The following INVS variants were observed in gnomAD, a reference collection of about 807,000 sequenced individuals.
INVS encodes inversin.
Under a neutral mutation model 108.8 loss-of-function variants are expected in INVS, and 86 were observed. The ratio of observed to expected loss-of-function variants is 0.79; its 90% CI spans 0.66 to 0.95. The LOEUF (loss-of-function observed/expected upper bound fraction) is 0.95. Ranked by LOEUF, INVS falls within the 40% of genes least tolerant of loss-of-function variation. The pLI, the probability that INVS is intolerant of heterozygous loss-of-function variation, is 0.00. For synonymous variants in INVS, 455 were observed against 473.5 expected, an observed-to-expected ratio of 0.96 and a Z score of 0.51; for missense variants, 1,169 against 1,297.4, an observed-to-expected ratio of 0.90 and a Z score of 1.52.
At chr9:100,106,308 T>C (rs1306489499) in intron 2 of INVS, among the ~76,000 whole-genome samples, 1 of 152,212 alleles carries the variant, frequency 6.6e-6, no homozygotes, top group African/African-American at 2.4e-5. Flanking sequence ...TCCTGTCTTC[T>C]CAGGGACATT....
rs868091390 is a variant in INVS, at chr9:100,281,740, T to C, written c.1785-2580T>C. Among the ~76,000 whole-genome samples, 145 of 135,550 alleles carry C rather than the reference T, an allele frequency of 1.1e-3. 1 individual carries two copies. The highest frequency in any genetic ancestry group is 3.9e-3 in the Middle Eastern group (1 of 254). 88.9% of individuals were successfully genotyped at this position (135,550 alleles called of 152,430 possible). Reference sequence around the variant, plus strand: ...CTACCAAAATGAAAAATCACCCCCCTGGTATCCCCCCTCCAAAGCAATCTC... The same window carrying C: ...CTACCAAAATGAAAAATCACCCCCCCGGTATCCCCCCTCCAAAGCAATCTC... On this transcript the variant is annotated intron_variant, in intron 12 of 16. Coordinates refer to ENST00000262457, the MANE Select transcript of INVS (RefSeq NM_014425.5).
intron 5 of INVS, among the ~76,000 whole-genome samples, chr9:100,234,087 G>A (rs954053496): frequency 6.6e-6 from 1 of 152,094 alleles, no homozygotes; most frequent in Non-Finnish European, 1.5e-5. Flanking sequence ...CTTCTTCCTG[G>A]TTTAGTCCTG....
At chr9:100,214,939 G>C (rs1415314680) in intron 3 of INVS, 2 of 152,228 alleles carry the variant, frequency 1.3e-5, no homozygotes, top group African/African-American at 4.8e-5. Flanking sequence ...TGAAGTTGTT[G>C]CTTTCCTTCT....
At chr9:100,109,317 T>C (rs1342431141) in intron 2 of INVS, among the ~76,000 whole-genome samples, 2 of 152,244 alleles carry the variant, frequency 1.3e-5, no homozygotes, top group African/African-American at 2.4e-5. Context: ...ATATCTAGCA[T>C]GGTACTTGAC....
intron 3 of INVS, chr9:100,130,012 C>A: frequency 3.4e-6 from 1 of 292,380 alleles, no homozygotes; most frequent in Non-Finnish European, 6.3e-6. Flanking sequence ...CTCTAAGAAA[C>A]CTAGTATTAA....
In INVS at chr9:100,284,580, GAACA is replaced by G; in HGVS notation, c.2049_2052del (p.Asn684ProfsTer58). ...CAGCATGTTTCCTCAGATTTGCAGG[GAACA>G]AACTCCAGAAGGCCAAATGGTAGGT... On this transcript the variant is annotated frameshift_variant, in exon 13 of 17. Transcript: ENST00000262457. LOFTEE classifies it high-confidence loss of function. The G allele has an allele frequency of 6.2e-7, 1 of 1,613,650 alleles. No homozygotes were observed. The highest frequency in any genetic ancestry group is 8.5e-7 in the Non-Finnish European group (1 of 1,179,740).
intron 3 of INVS, 118 bp downstream of exon 3, chr9:100,126,667 T>C (rs932016071): frequency 1.7e-5 from 17 of 978,126 alleles, no homozygotes; most frequent in South Asian, 1.2e-4. Flanking sequence ...TCATAGGTTT[T>C]ATATATTTTC....
chr9:100,237,601 A>G (rs999596241), intron 5 of INVS, among the ~76,000 whole-genome samples: 2 of 152,084 alleles, frequency 1.3e-5, no homozygotes, highest in Non-Finnish European at 2.9e-5. Flanking sequence ...TCCCTTGACT[A>G]GGGGAGGGAG....
At chr9:100,240,907 T>C (rs1402534837) in intron 6 of INVS, among the ~76,000 whole-genome samples, 1 of 152,166 alleles carries the variant, frequency 6.6e-6, no homozygotes, top group Non-Finnish European at 1.5e-5. Flanking sequence ...GATGTTGTTA[T>C]TTGATTTTGA....
Position 100,297,966 on chromosome 9 carries a change from C to T in INVS, c.3047C>T (p.Pro1016Leu), listed in dbSNP as rs957406093. 12 of 1,614,042 alleles carry T rather than the reference C, an allele frequency of 7.4e-6. No individual in the cohort carries two copies. The African/African-American group carries it at 1.6e-4, about 22-fold the overall frequency. The change falls in exon 16 of 17, where the codon CCT (proline) becomes CTT (leucine). Residue 1016 changes from proline to leucine, a missense_variant. By Grantham distance (98) the Pro-to-Leu change is moderately conservative (BLOSUM62 -3). Around this residue, in one of 3 missense-constraint regions of INVS, gnomAD observed 533 missense variants for 536.0 expected, o/e 0.99. Transcript: ENST00000262457. ...TCTCACGAAGGGAAAATACATCATC[C>T]TACAAGATCTGTAAAAGCCTCTTCT... ...GCSHEGKIHH[P>L]TRSVKASSVL...
chr9:100,206,361 T>A (rs1830677301), intron 3 of INVS, among the ~76,000 whole-genome samples: 1 of 152,152 alleles, frequency 6.6e-6, no homozygotes, highest in South Asian at 2.1e-4. Context: ...ATTTTAAGTT[T>A]TTTTTCTTTT....
intron 3 of INVS, among the ~76,000 whole-genome samples, chr9:100,210,240 G>A (rs1830795338): frequency 6.6e-6 from 1 of 152,050 alleles, no homozygotes; most frequent in Non-Finnish European, 1.5e-5. Context: ...ATAGTGTGGG[G>A]GTTATTGGAG....
intron 3 of INVS, among the ~76,000 whole-genome samples, chr9:100,201,459 A>G (rs1830529000): frequency 6.6e-6 from 1 of 152,234 alleles, no homozygotes; most frequent in Non-Finnish European, 1.5e-5. Flanking sequence ...CATGATGGAC[A>G]ATTGCTTCCA....
intron 13 of INVS, among the ~76,000 whole-genome samples, chr9:100,287,830 C>T (rs1404700444): frequency 3.3e-5 from 5 of 152,096 alleles, no homozygotes; most frequent in African/African-American, 9.7e-5. Context: ...TAGGAACGGA[C>T]TAATACATCC....
intron 5 of INVS, among the ~76,000 whole-genome samples, chr9:100,232,950 T>C (rs1272807099): frequency 6.6e-6 from 1 of 152,162 alleles, no homozygotes; most frequent in Non-Finnish European, 1.5e-5. Flanking sequence ...TTGGGCAGTA[T>C]GGCCATTTTC....
At chr9:100,143,638 G>T (rs1194516003) in intron 3 of INVS, among the ~76,000 whole-genome samples, 6 of 152,134 alleles carry the variant, frequency 3.9e-5, no homozygotes, top group African/African-American at 1.4e-4. Context: ...AGTCAGGGAA[G>T]CAGATAATTT....
chr9:100,209,953 C>CTAG (rs1830787700), intron 3 of INVS, among the ~76,000 whole-genome samples: 1 of 152,060 alleles, frequency 6.6e-6, no homozygotes, highest in Admixed American at 6.6e-5. Context: ...AGCTTTCATT[C>CTAG]TAGTCACCTC....
At chr9:100,193,037 G>T (rs574164747) in intron 3 of INVS, among the ~76,000 whole-genome samples, 2 of 150,376 alleles carry the variant, frequency 1.3e-5, no homozygotes, top group Admixed American at 6.6e-5. Flanking sequence ...GAAGTGCAGT[G>T]GTAGAAGCAT....
intron 3 of INVS, among the ~76,000 whole-genome samples, chr9:100,156,161 G>A (rs141595731): frequency 1.2e-4 from 19 of 152,096 alleles, no homozygotes; most frequent in Middle Eastern, 3.4e-3. Flanking sequence ...CACAGAAGCC[G>A]TGTTAAAGGA....
Sources: gnomAD v4.1 joint callset for allele counts (sites outside exome capture counted in the v4.1 genomes callset) on GRCh38, gnomAD v4.1.1 for gene constraint, gnomAD v4.1.1 regional missense constraint, MANE v1.5 for transcripts, NCBI Gene and HGNC (gene_info 2026-07-23, HGNC 2026-07-21) for gene names.